AFG2A: variants seen among roughly 807,000 people sequenced by gnomAD.
The protein encoded by AFG2A is ATPase family gene 2 protein homolog A.
the AFG2A span, among the ~76,000 whole-genome samples, chr4:123,128,368 G>T: frequency 1.3e-5 from 2 of 152,228 alleles, no homozygotes; most frequent in Admixed American, 1.3e-4. Context: ...CATAAAAACA[G>T]ATTTAATAAT....
chr4:123,134,719 G>A, the AFG2A span, among the ~76,000 whole-genome samples: 1 of 151,032 alleles, frequency 6.6e-6, no homozygotes, highest in African/African-American at 2.4e-5. Context: ...TCAAGAGATT[G>A]GAAATCTGAA....
At chr4:123,016,281 C>T in the AFG2A span, among the ~76,000 whole-genome samples, 4,988 of 151,184 alleles carry the variant, frequency 0.033, 162 homozygotes, top group South Asian at 0.15. Flanking sequence ...ACCTCCCTCC[C>T]GGATGGGGTG....
the AFG2A span, among the ~76,000 whole-genome samples, chr4:123,187,929 T>C: frequency 6.6e-6 from 1 of 151,318 alleles, no homozygotes. Flanking sequence ...ACTGGGGAGG[T>C]TGAGGCTGCA....
chr4:122,923,604 T>C, the AFG2A span, among the ~76,000 whole-genome samples: 2 of 152,216 alleles, frequency 1.3e-5, no homozygotes, highest in African/African-American at 2.4e-5. Flanking sequence ...TAACGACACA[T>C]TTAATTGCAA....
chr4:123,000,229 A>G, the AFG2A span, among the ~76,000 whole-genome samples: 1 of 150,288 alleles, frequency 6.7e-6, no homozygotes, highest in African/African-American at 2.5e-5. Flanking sequence ...TTTTCTAGAT[A>G]TACAATCATG....
chr4:123,189,629 CTGT>C, the AFG2A span, among the ~76,000 whole-genome samples: 2 of 152,002 alleles, frequency 1.3e-5, no homozygotes, highest in East Asian at 3.9e-4. Context: ...AACAGGTTTA[CTGT>C]TGTTTGTTTC....
the AFG2A span, among the ~76,000 whole-genome samples, chr4:122,949,503 G>A: frequency 1.6e-4 from 24 of 152,272 alleles, no homozygotes; most frequent in Non-Finnish European, 2.6e-4. Flanking sequence ...GGAGCTCTCC[G>A]CAGACCCAGC....
the AFG2A span, among the ~76,000 whole-genome samples, chr4:123,260,831 C>T: frequency 6.6e-6 from 1 of 152,180 alleles, no homozygotes; most frequent in Non-Finnish European, 1.5e-5. Flanking sequence ...AGCAGAGCAG[C>T]ACAGTACTTA....
the AFG2A span, among the ~76,000 whole-genome samples, chr4:123,099,153 T>C: frequency 1.3e-5 from 2 of 152,002 alleles, no homozygotes; most frequent in Admixed American, 1.3e-4. Flanking sequence ...TGGCTATTTG[T>C]ATGTCTTCTG....
chr4:122,999,265 T>C, the AFG2A span, among the ~76,000 whole-genome samples: 1 of 152,202 alleles, frequency 6.6e-6, no homozygotes, highest in South Asian at 2.1e-4. Context: ...GGTTGCCTGC[T>C]CACTCTGCTG....
the AFG2A span, among the ~76,000 whole-genome samples, chr4:122,985,868 T>G: frequency 6.6e-6 from 1 of 151,780 alleles, no homozygotes; most frequent in Non-Finnish European, 1.5e-5. Context: ...GACCTTAGAA[T>G]GTCAGTTTGT....
chr4:122,951,433 T>TACACACAC, the AFG2A span, among the ~76,000 whole-genome samples: 3,486 of 148,518 alleles, frequency 0.023, 59 homozygotes, highest in East Asian at 0.062. Flanking sequence ...TTTTCCAAAG[T>TACACACAC]ACACACACAC....
chr4:123,085,921 C>G, the AFG2A span, among the ~76,000 whole-genome samples: 1 of 151,694 alleles, frequency 6.6e-6, no homozygotes, highest in Non-Finnish European at 1.5e-5. Context: ...TTTCTACTTT[C>G]AAATAGCCCT....
the AFG2A span, among the ~76,000 whole-genome samples, chr4:123,166,109 C>A: frequency 6.6e-6 from 1 of 152,136 alleles, no homozygotes. Flanking sequence ...TACTGAGTGT[C>A]AACTTGATGG....
At chr4:123,111,735 A>ATTC in the AFG2A span, among the ~76,000 whole-genome samples, 1,563 of 148,856 alleles carry the variant, frequency 0.011, 23 homozygotes, top group Non-Finnish European at 0.016. Flanking sequence ...TCTTCTTCTT[A>ATTC]TTATTATTAT....
the AFG2A span, among the ~76,000 whole-genome samples, chr4:123,123,900 C>G: frequency 7.6e-6 from 1 of 132,192 alleles, no homozygotes; most frequent in Non-Finnish European, 1.5e-5. Flanking sequence ...TGCAGTGAGT[C>G]GAGATCGCGC....
At chr4:122,997,577 A>C in the AFG2A span, among the ~76,000 whole-genome samples, 2 of 152,174 alleles carry the variant, frequency 1.3e-5, no homozygotes, top group Non-Finnish European at 2.9e-5. Flanking sequence ...CTTTTTGGCT[A>C]TTATGATAAT....
chr4:123,307,473 T>C, the AFG2A span, among the ~76,000 whole-genome samples: 4 of 152,334 alleles, frequency 2.6e-5, no homozygotes, highest in South Asian at 2.1e-4. Context: ...CTAGTTTAAA[T>C]TGAAGGGTTT....
chr4:123,018,284 A>C, the AFG2A span, among the ~76,000 whole-genome samples: 1 of 152,218 alleles, frequency 6.6e-6, no homozygotes, highest in Non-Finnish European at 1.5e-5. Flanking sequence ...CACTGTTTTC[A>C]TTAGGGCAAA....
Sources: gnomAD v4.1 joint callset for allele counts (sites outside exome capture counted in the v4.1 genomes callset) on GRCh38, gnomAD v4.1.1 for gene constraint, MANE v1.5 for transcripts, NCBI Gene and HGNC (gene_info 2026-07-23, HGNC 2026-07-21) for gene names.